The following R3HCC1L variants were observed in gnomAD, a reference collection of about 807,000 sequenced individuals.
R3HCC1L encodes coiled-coil domain-containing protein R3HCC1L.
Under a neutral mutation model 59.9 loss-of-function variants are expected in R3HCC1L, and 51 were observed. That is an observed-to-expected ratio of 0.85 (90% confidence interval 0.68 to 1.07). The LOEUF is 1.07. Among genes scored for constraint, R3HCC1L ranks in the 50% least tolerant of loss-of-function variants. R3HCC1L has a pLI of 0.00. For synonymous variants in R3HCC1L, 322 were observed against 315.2 expected, an observed-to-expected ratio of 1.02 and a Z score of -0.23; for missense variants, 965 against 933.0, an observed-to-expected ratio of 1.03 and a Z score of -0.45.
chr10:98,177,673 CA>C lies in R3HCC1L; in HGVS notation c.-15+14277del, dbSNP rs567907294. On this transcript the variant is annotated intron_variant, in intron 4 of 9. Coordinates refer to ENST00000298999, the MANE Select transcript of R3HCC1L (RefSeq NM_001351015.2). ...CAGTGTAGAAGTGTTCCTATTTCTC[CA>C]CATCCTCTTCAGCACCTGTTGTTTC... Among the ~76,000 whole-genome samples, 101 of 152,248 alleles carry C rather than the reference CA, an allele frequency of 6.6e-4. 1 individual carries two copies. Among genetic ancestry groups the C allele is most frequent in the African/African-American group, 2.3e-3 (94 of 41,550 alleles).
chr10:98,186,409 T>C, intron 4 of R3HCC1L: 1 of 668,232 alleles, frequency 1.5e-6, no homozygotes, highest in Middle Eastern at 7.8e-4. Flanking sequence ...CAAATAGCTG[T>C]TCCATGTAGA....
chr10:98,141,658 G>C (rs1267201411), intron 1 of R3HCC1L, among the ~76,000 whole-genome samples: 1 of 152,170 alleles, frequency 6.6e-6, no homozygotes, highest in Non-Finnish European at 1.5e-5. Context: ...GAACCTGGAG[G>C]CTTCTTCACT....
At chr10:98,214,266 A>G (rs1341359876) in intron 5 of R3HCC1L, among the ~76,000 whole-genome samples, 1 of 152,174 alleles carries the variant, frequency 6.6e-6, no homozygotes, top group Non-Finnish European at 1.5e-5. Flanking sequence ...TTGCCTGAAG[A>G]TTCAGATTCC....
chr10:98,194,555 A>G (rs1851218749), intron 4 of R3HCC1L, among the ~76,000 whole-genome samples: 1 of 152,210 alleles, frequency 6.6e-6, no homozygotes, highest in Non-Finnish European at 1.5e-5. Flanking sequence ...GAGGAATAGG[A>G]GAAGATATTT....
chr10:98,152,609 A>C lies in R3HCC1L; in HGVS notation c.-267-3484A>C, dbSNP rs1348902597. On this transcript the variant is annotated intron_variant, in intron 1 of 9. Coordinates refer to ENST00000298999, the MANE Select transcript of R3HCC1L (RefSeq NM_001351015.2). ...GGAGCGTCTCTGCCCAGCCGCCCAT[A>C]GTCTGAGATGCGGGGAGCGCCTCTG... Among the ~76,000 whole-genome samples the C allele has an allele frequency of 3.9e-3, 414 of 104,994 alleles. 33 individuals are homozygous for C. Among genetic ancestry groups the C allele is most frequent in the African/African-American group, 0.011 (340 of 30,914 alleles). 68.9% of individuals were successfully genotyped at this position (104,994 alleles called of 152,430 possible).
chr10:98,151,111 G>C (rs1446641138), intron 1 of R3HCC1L, among the ~76,000 whole-genome samples: 1 of 152,066 alleles, frequency 6.6e-6, no homozygotes, highest in Admixed American at 6.5e-5. Flanking sequence ...CCTCATTTTT[G>C]AATTCTGGGA....
At chr10:98,211,067 A>G (rs1266864028) in intron 5 of R3HCC1L, among the ~76,000 whole-genome samples, 1 of 152,194 alleles carries the variant, frequency 6.6e-6, no homozygotes, top group African/African-American at 2.4e-5. Flanking sequence ...CTATATCTTA[A>G]ACATTCCTTA....
At chr10:98,187,757 G>T (rs61875279) in intron 4 of R3HCC1L, among the ~76,000 whole-genome samples, 22,847 of 130,930 alleles carry the variant, frequency 0.17, 2,063 homozygotes, top group Non-Finnish European at 0.21. Context: ...TTTTTTAAGA[G>T]ATAAGGTCTT....
chr10:98,237,859 AT>A (rs1025370988), intron 9 of R3HCC1L, among the ~76,000 whole-genome samples: 2 of 151,748 alleles, frequency 1.3e-5, no homozygotes, highest in Non-Finnish European at 2.9e-5. Context: ...GGCTTTAAAT[AT>A]TTTTTTTCAG....
intron 1 of R3HCC1L, among the ~76,000 whole-genome samples, chr10:98,152,683 C>G (rs1358582225): frequency 7.6e-6 from 1 of 130,836 alleles, no homozygotes; most frequent in African/African-American, 2.6e-5. Context: ...CCGGCCGCGA[C>G]CCCGTCTGGG....
chr10:98,187,730 CTTTTT>C (rs755546581), intron 4 of R3HCC1L, among the ~76,000 whole-genome samples: 13 of 95,162 alleles, frequency 1.4e-4, no homozygotes, highest in African/African-American at 4.8e-4. Flanking sequence ...TGTAACAATT[CTTTTT>C]TTTTTTTTTT....
rs1372085156 is a variant in R3HCC1L at position 98,244,336 on chromosome 10, A to G, written c.*178A>G. 11 of 556,228 alleles carry G rather than the reference A, an allele frequency of 2.0e-5. No individual in the cohort carries two copies. Among genetic ancestry groups the G allele is most frequent in the South Asian group, 1.7e-4 (8 of 45,932 alleles). 34.5% of individuals were successfully genotyped at this position (556,228 alleles called of 1,614,324 possible). A position where few individuals can be genotyped will look rare whatever the true frequency, so the allele number is the denominator to read the frequency against. ...GACAGACTCCTGTCTTCACTCCTAA[A>G]TGCAGTTCTTTGGAATCACCCTACT... On this transcript the variant is annotated 3_prime_UTR_variant, in exon 10 of 10. Transcript: ENST00000298999.
chr10:98,184,172 A>T (rs1336328494), intron 4 of R3HCC1L, among the ~76,000 whole-genome samples: 1 of 151,850 alleles, frequency 6.6e-6, no homozygotes, highest in Non-Finnish European at 1.5e-5. Flanking sequence ...TTAGGGTAGG[A>T]TTTAGTTTGT....
In R3HCC1L at chr10:98,236,070, A is replaced by C. The variant is rs142916397; in HGVS notation, c.2175A>C (p.Leu725=). ...AKERPETSAA[L]ARRLVISALG... is the part of the protein sequence containing the mutation. ...AGCGTCCTGAGACTTCAGCAGCCCT[A>C]GCCAGAAGGTTAGTCATCAGTGCCC... Residue 725 remains leucine (L), a synonymous_variant, in exon 9 of 10, where the codon CTA becomes CTC. Coordinates refer to ENST00000298999, the MANE Select transcript of R3HCC1L (RefSeq NM_001351015.2). 744 of 1,614,032 alleles carry C rather than the reference A, an allele frequency of 4.6e-4. 1 individual carries two copies. The African/African-American group carries it at 8.6e-3, about 19-fold the overall frequency.
At chr10:98,181,842 G>A (rs545772610) in intron 4 of R3HCC1L, among the ~76,000 whole-genome samples, 7 of 152,276 alleles carry the variant, frequency 4.6e-5, no homozygotes, top group Admixed American at 3.3e-4. Context: ...TAGTTCTTGT[G>A]CCATGGTTTT....
intron 1 of R3HCC1L, among the ~76,000 whole-genome samples, chr10:98,149,930 TTA>T (rs1845985399): frequency 6.6e-6 from 1 of 152,222 alleles, no homozygotes; most frequent in Non-Finnish European, 1.5e-5. Context: ...ACCCCTATTG[TTA>T]CTGTATTGCA....
chr10:98,139,914 C>T (rs1844979667), intron 1 of R3HCC1L, among the ~76,000 whole-genome samples: 1 of 150,956 alleles, frequency 6.6e-6, no homozygotes, highest in Non-Finnish European at 1.5e-5. Context: ...CAGAGAAGCA[C>T]TGTTGGAAAA....
At chr10:98,139,742 C>T (rs1240882612) in intron 1 of R3HCC1L, among the ~76,000 whole-genome samples, 1 of 152,098 alleles carries the variant, frequency 6.6e-6, no homozygotes, top group African/African-American at 2.4e-5. Flanking sequence ...CCAATTGCTT[C>T]GAGTCTGTGG....
chr10:98,186,565 T>TGATCC lies in R3HCC1L; in HGVS notation c.-14-21536_-14-21535insGATCC, dbSNP rs1296197565. On this transcript the variant is annotated intron_variant, in intron 4 of 9. Coordinates refer to ENST00000298999, the MANE Select transcript of R3HCC1L (RefSeq NM_001351015.2). The stretch of plus-strand genomic sequence containing the variant: ...TCTGAGACTCCAGAGTCACCTAAGG[T>TGATCC]AGTGACCATTGCCACTAACAGTTGT... 605 of 935,070 alleles carry TGATCC rather than the reference T, an allele frequency of 6.5e-4. 5 individuals carry two copies. The African/African-American group carries it at 9.5e-3, about 15-fold the overall frequency. The allele number at this position is 935,070 out of a possible 1,614,324, so 57.9% of individuals were successfully genotyped here.
Sources: gnomAD v4.1 joint callset for allele counts (sites outside exome capture counted in the v4.1 genomes callset) on GRCh38, gnomAD v4.1.1 for gene constraint, MANE v1.5 for transcripts, NCBI Gene and HGNC (gene_info 2026-07-23, HGNC 2026-07-21) for gene names.